RSPH1: variants seen among roughly 807,000 people sequenced by gnomAD.
The protein encoded by RSPH1 is radial spoke head 1 homolog.
A neutral mutation model predicts 44.2 loss-of-function variants in RSPH1; 32 were observed. That is an observed-to-expected ratio of 0.72 (90% CI 0.55 to 0.97). The LOEUF (loss-of-function observed/expected upper bound fraction) is 0.97, where lower values mean the gene tolerates loss of function less well. Ranked by LOEUF, RSPH1 falls within the 50% of genes least tolerant of loss-of-function variation. The probability of loss-of-function intolerance (pLI) is 0.00; values close to 1 mark genes in which losing one functional copy is unlikely to be tolerated. For missense variants in RSPH1, 391 were observed against 398.7 expected (o/e 0.98, Z 0.16); for synonymous variants, 134 against 147.3 (o/e 0.91, Z 0.65).
chr21:42,489,273 TTGGTTGGTTGGTTGGTTGGC>T (rs1270409806), intron 3 of RSPH1, among the ~76,000 whole-genome samples: 1 of 151,854 alleles, frequency 6.6e-6, no homozygotes, highest in African/African-American at 2.4e-5. Flanking sequence ...GGCTGGTTGG[TTGGTTGGTTGGTTGGTTGGC>T]TGGTTGGCTA....
At chr21:42,491,793 T>C (rs942884458) in intron 3 of RSPH1, among the ~76,000 whole-genome samples, 5 of 152,184 alleles carry the variant, frequency 3.3e-5, no homozygotes, top group East Asian at 1.9e-4. Context: ...GCTCGCACTT[T>C]GTAAGAATAT....
At position 42,474,784 on chromosome 21, in the gene RSPH1, G is replaced by A. The variant is rs1259281687; in HGVS notation, c.877+1114C>T. ...TGCTACAGCGCTCAGGGGAATTACC[G>A]ATCACGAAAGTCTATGCCAGCGCTC... On this transcript the variant is annotated intron_variant, in intron 8 of 8. Coordinates refer to ENST00000291536, the MANE Select transcript of RSPH1 (RefSeq NM_080860.4). The surrounding 1 kb of genome is among the most constrained non-coding windows in gnomAD (Gnocchi z 5.2). Among the ~76,000 whole-genome samples, 1 of 148,036 alleles carries A rather than the reference G, an allele frequency of 6.8e-6. No homozygotes were observed. The highest frequency in any genetic ancestry group is 1.5e-5 in the Non-Finnish European group (1 of 67,972).
intron 1 of RSPH1, among the ~76,000 whole-genome samples, chr21:42,494,952 G>A (rs980777350): frequency 3.3e-5 from 5 of 152,200 alleles, no homozygotes; most frequent in Admixed American, 2.0e-4. Flanking sequence ...TGCCCACCTC[G>A]GCCTCCCAAA....
chr21:42,495,999 C>T (rs2054284151), intron 1 of RSPH1, 134 bp downstream of exon 1: 2 of 963,334 alleles, frequency 2.1e-6, no homozygotes, highest in Non-Finnish European at 3.2e-6. Context: ...GCGTGGCCTT[C>T]GTCCCTGCCG....
At position 42,477,369 on chromosome 21, in the gene RSPH1, A is replaced by G. The variant is rs142072750; in HGVS notation, c.649T>C (p.Leu217=). 5.1e-5 allele frequency: 82 copies of G among 1,614,186 alleles called. 1 individual carries two copies. In the African/African-American group the frequency reaches 5.9e-4, roughly 12 times the overall value. ...GGGAGAGTTGGTGTCCACAGGGCCA[A>G]TTCAGTGATTTGGGTAGCTTTCCAT... ...PKWKATQITE[L]ALWTPTLPKK... is the part of the protein sequence containing the mutation. The change falls in exon 7 of 9, where the codon TTG becomes CTG. Residue 217 remains leucine (L), a synonymous_variant. Transcript: ENST00000291536.
intron 6 of RSPH1, 103 bp downstream of exon 6, chr21:42,482,534 G>A (rs2054138830): frequency 8.0e-6 from 6 of 746,942 alleles, no homozygotes; most frequent in Non-Finnish European, 1.3e-5. Flanking sequence ...CCTAAGAGTT[G>A]GCATAACTTT....
chr21:42,480,428 G>A (rs2054114021), intron 6 of RSPH1, among the ~76,000 whole-genome samples: 1 of 152,116 alleles, frequency 6.6e-6, no homozygotes, highest in Admixed American at 6.5e-5. Flanking sequence ...ATCATCTGAG[G>A]TCGAAAGTTT....
At chr21:42,485,636 T>A (rs1055328194) in intron 5 of RSPH1, 33 bp downstream of exon 5, 6 of 1,613,502 alleles carry the variant, frequency 3.7e-6, no homozygotes, top group Non-Finnish European at 5.1e-6. Flanking sequence ...TATTTTGTAC[T>A]TCATTGGCAA....
At chr21:42,488,657 C>T (rs1028225109) in intron 3 of RSPH1, among the ~76,000 whole-genome samples, 6 of 152,090 alleles carry the variant, frequency 3.9e-5, no homozygotes, top group African/African-American at 9.7e-5. Context: ...ACCAAGAGGA[C>T]GGTGAGCAAA....
At chr21:42,485,885 T>C in intron 4 of RSPH1, 81 bp from the exon 5 acceptor site, 2 of 1,566,606 alleles carry the variant, frequency 1.3e-6, no homozygotes, top group East Asian at 2.2e-5. Context: ...ACATTGACAT[T>C]GAGGGAGGCC....
At position 42,485,807 on chromosome 21, in the gene RSPH1, G is replaced by T. The variant is rs587777058; in HGVS notation, c.366-3C>A. 14 of 1,614,056 alleles carry T rather than the reference G, an allele frequency of 8.7e-6. No individual in the cohort carries two copies. Among genetic ancestry groups the T allele is most frequent in the Non-Finnish European group, 1.2e-5 (14 of 1,180,016 alleles). On this transcript the variant is annotated splice_region_variant and splice_polypyrimidine_tract_variant and intron_variant, in intron 4 of 8. Coordinates refer to ENST00000291536, the MANE Select transcript of RSPH1 (RefSeq NM_080860.4). Reference sequence around the variant, plus strand: ...ATAAATAGGTGCCTTGCCCATGCCTGGTTAAGACAAGGGGAACATGGTATT... The same window carrying T: ...ATAAATAGGTGCCTTGCCCATGCCTTGTTAAGACAAGGGGAACATGGTATT...
In RSPH1 at chr21:42,476,176, C is replaced by T. The variant is rs181378838; in HGVS notation, c.728-129G>A. On this transcript the variant is annotated intron_variant, in intron 7 of 8. Transcript: ENST00000291536. The stretch of plus-strand genomic sequence containing the variant: ...CCTCCCACTGGCAGCACCTCATGTT[C>T]CCCATCTCAACATCCACCCAGCCCA... 1.8e-3 allele frequency: 1,615 copies of T among 874,388 alleles called. 19 individuals are homozygous for T. The African/African-American group carries it at 0.024, about 13-fold the overall frequency. The allele number at this position is 874,388 out of a possible 1,614,324, so 54.2% of individuals were successfully genotyped here.
At chr21:42,476,546 C>A (rs1308828624) in intron 7 of RSPH1, among the ~76,000 whole-genome samples, 1 of 152,182 alleles carries the variant, frequency 6.6e-6, no homozygotes, top group African/African-American at 2.4e-5. Flanking sequence ...CCACCTTCAA[C>A]TTTCCCCAGC....
chr21:42,493,142 C>A, intron 1 of RSPH1, 63 bp from the exon 2 acceptor site: 1 of 1,360,194 alleles, frequency 7.4e-7, no homozygotes, highest in Admixed American at 1.8e-5. Flanking sequence ...AGGTGCTAAG[C>A]ATTTTGTAAA....
chr21:42,472,955 C>A, intron 8 of RSPH1, 85 bp from the exon 9 acceptor site: 3 of 962,502 alleles, frequency 3.1e-6, no homozygotes, highest in Non-Finnish European at 4.7e-6. Context: ...GATCTTTTGC[C>A]GAAAAAAATT....
chr21:42,488,134 C>G (rs902017571), intron 3 of RSPH1, among the ~76,000 whole-genome samples: 14 of 152,160 alleles, frequency 9.2e-5, no homozygotes, highest in African/African-American at 3.4e-4. Flanking sequence ...AGGAAGAGGA[C>G]TAGGTCCCAT....
At chr21:42,476,856 C>T (rs577662743) in intron 7 of RSPH1, among the ~76,000 whole-genome samples, 65 of 152,272 alleles carry the variant, frequency 4.3e-4, no homozygotes, top group South Asian at 1.0e-3. Context: ...AATAACATCC[C>T]GCACACTCAA....
chr21:42,479,258 C>T (rs2054101651), intron 6 of RSPH1, among the ~76,000 whole-genome samples: 1 of 152,204 alleles, frequency 6.6e-6, no homozygotes, highest in South Asian at 2.1e-4. Context: ...GTTCCACCAC[C>T]ATCCTAATCC....
chr21:42,495,132 G>C (rs147944951), intron 1 of RSPH1, among the ~76,000 whole-genome samples: 415 of 152,368 alleles, frequency 2.7e-3, no homozygotes, highest in African/African-American at 9.5e-3. Flanking sequence ...CAGGGACTCT[G>C]GGGGCATCAA....
Sources: allele counts gnomAD v4.1 joint callset (sites outside exome capture counted in the v4.1 genomes callset), GRCh38; gene constraint gnomAD v4.1.1; non-coding constraint Gnocchi (gnomAD v3.1); transcripts MANE v1.5; gene names NCBI Gene and HGNC (gene_info 2026-07-23, HGNC 2026-07-21).